SMARCA4: variants seen among roughly 807,000 people sequenced by gnomAD.
SMARCA4 encodes SWI/SNF-related matrix-associated actin-dependent regulator of chromatin subfamily A member 4.
Under a neutral mutation model 193.9 loss-of-function variants are expected in SMARCA4, and 31 were observed. The ratio of observed to expected loss-of-function variants is 0.16; its 90% CI spans 0.12 to 0.22. The LOEUF (loss-of-function observed/expected upper bound fraction) is 0.22, where lower values mean the gene tolerates loss of function less well. SMARCA4 is among the 10% of genes least tolerant of loss of function. SMARCA4 has a pLI of 1.00. For synonymous variants in SMARCA4, 942 were observed against 933.1 expected, an observed-to-expected ratio of 1.01 and a Z score of -0.17; for missense variants, 1,148 against 2,296.0, an observed-to-expected ratio of 0.50 and a Z score of 10.22.
chr19:10,996,424 G>A (rs2145976649), intron 10 of SMARCA4, 44 bp downstream of exon 10: 1 of 1,613,578 alleles, frequency 6.2e-7, no homozygotes, highest in South Asian at 1.1e-5. Context: ...TGGGATGGGA[G>A]CAGCCGTCTT....
At position 11,026,353 on chromosome 19, in the gene SMARCA4, A is replaced by G. The variant is rs2146517150; in HGVS notation, c.3215+7A>G. The G allele has an allele frequency of 6.2e-7, 1 of 1,613,190 alleles. No homozygotes were observed. The highest frequency in any genetic ancestry group is 2.2e-5 in the East Asian group (1 of 44,866). ...CTGGCGGCATTGTCCAAGGGTGAGA[A>G]GCTTCCCAACTGGATGGGGTGGGCA... is the stretch of plus-strand genomic sequence containing the variant. On this transcript the variant is annotated splice_region_variant and intron_variant, in intron 23 of 34. Transcript: ENST00000344626.
chr19:11,004,842 T>C (rs1024383126), intron 13 of SMARCA4, among the ~76,000 whole-genome samples: 7 of 144,606 alleles, frequency 4.8e-5, no homozygotes, highest in Non-Finnish European at 1.1e-4. Context: ...ATTTTTATAG[T>C]GCCTTTTTTT....
rs1555762001 is a variant in SMARCA4, at chr19:10,994,866, C to T, written c.1458C>T (p.Phe486=). ...GCATTCTCCAGCATGCCAAGGATTT[C>T]AAGGAATATCACAGATCCGTCACAG... ...LNSILQHAKD[F]KEYHRSVTGK... is the part of the protein sequence containing the mutation. The change falls in exon 9 of 35, where the codon TTC becomes TTT. Residue 486 remains phenylalanine, a synonymous_variant. Transcript: ENST00000344626. The T allele has an allele frequency of 1.2e-6, 2 of 1,614,122 alleles. No individual in the cohort carries two copies. Among genetic ancestry groups the T allele is most frequent in the Non-Finnish European group, 1.7e-6 (2 of 1,180,018 alleles).
At chr19:11,061,204 AATATATATATATATAT>A (rs55894159) in intron 34 of SMARCA4, among the ~76,000 whole-genome samples, 5 of 45,226 alleles carry the variant, frequency 1.1e-4, no homozygotes, top group South Asian at 6.5e-4. Flanking sequence ...AAAAAAAAAA[AATATATATATATATAT>A]ATATATATAT....
chr19:11,056,406 G>T (rs1175122974), intron 30 of SMARCA4: 2 of 152,280 alleles, frequency 1.3e-5, no homozygotes, highest in Admixed American at 6.5e-5. Context: ...TGCTGGACCG[G>T]CTGGTCCCAC....
rs1343950513 is a variant in SMARCA4, at chr19:10,961,055, G to C, written c.-151G>C. The C allele has an allele frequency of 6.7e-6, 1 of 149,478 alleles. No homozygotes were observed. The highest frequency in any genetic ancestry group is 1.5e-5 in the Non-Finnish European group (1 of 66,806). 9.3% of individuals were successfully genotyped at this position (149,478 alleles called of 1,614,324 possible). A position where few individuals can be genotyped will look rare whatever the true frequency, so the allele number is the denominator to read the frequency against. ...GGGCGCGCGCGCGAGGCTTCCCCTC[G>C]TTTGGCGGCGGCGGCGGCTTCTTTG... On this transcript the variant is annotated 5_prime_UTR_variant, in exon 1 of 35. Coordinates refer to ENST00000344626, the MANE Select transcript of SMARCA4 (RefSeq NM_003072.5).
intron 15 of SMARCA4, 138 bp from the exon 16 acceptor site, chr19:11,012,811 C>A: frequency 1.3e-6 from 1 of 758,264 alleles, no homozygotes; most frequent in East Asian, 2.6e-5. Flanking sequence ...AGGAAAAATC[C>A]GTGGTAAAGG....
chr19:10,963,622 C>T (rs550125368), intron 1 of SMARCA4, among the ~76,000 whole-genome samples: 3 of 152,190 alleles, frequency 2.0e-5, no homozygotes, highest in Admixed American at 6.6e-5. Context: ...TAACCTCAAG[C>T]GAGGCGCTTA....
rs928152768 is a variant in SMARCA4, at chr19:11,017,501, G to C, written c.2439-1456G>C. ...CCGCGCGCTAGGAAATGTTTACGGC[G>C]TATGGGCATCCGGCTGTGCCGGCCC... On this transcript the variant is annotated intron_variant, in intron 16 of 34. Transcript: ENST00000344626. Among the ~76,000 whole-genome samples, 3 of 152,386 alleles carry C rather than the reference G, an allele frequency of 2.0e-5. No individual in the cohort carries two copies. In the East Asian group the frequency reaches 5.8e-4, roughly 29 times the overall value.
intron 30 of SMARCA4, among the ~76,000 whole-genome samples, chr19:11,051,657 A>C (rs1345315098): frequency 6.6e-6 from 1 of 151,824 alleles, no homozygotes; most frequent in Non-Finnish European, 1.5e-5. Flanking sequence ...CGCCCAGCTA[A>C]TTTTTGTATT....
Position 11,035,083 on chromosome 19 carries a change from G to A in SMARCA4, c.4121G>A (p.Arg1374His), listed in dbSNP as rs1060502070. The change falls in exon 29 of 35, where the codon CGC becomes CAC. Residue 1374 changes from arginine to histidine, a missense_variant. This residue lies in a region of SMARCA4 where 84 missense variants were observed against 202.2 expected (regional missense o/e 0.42). Coordinates refer to ENST00000344626, the MANE Select transcript of SMARCA4 (RefSeq NM_003072.5). ...EKMFGRGSRH[R>H]KEVDYSDSLT... Reference sequence around the variant, plus strand: ...ATGTTCGGCCGTGGCTCCCGCCACCGCAAGGAGGTGGACTACAGCGACTCA... The same window carrying A: ...ATGTTCGGCCGTGGCTCCCGCCACCACAAGGAGGTGGACTACAGCGACTCA... The A allele has an allele frequency of 6.2e-7, 1 of 1,613,006 alleles. No individual in the cohort carries two copies. Among genetic ancestry groups the A allele is most frequent in the Non-Finnish European group, 8.5e-7 (1 of 1,179,876 alleles).
Position 11,034,970 on chromosome 19 carries a change from C to G in SMARCA4, c.4008C>G (p.Arg1336=), listed in dbSNP as rs1467214059. ...CCCGCAACCCCAAGCGGAAGCCGCG[C>G]CTCATGGAGGAGGACGAGCTCCCCT... ...EEARNPKRKP[R]LMEEDELPSW... Residue 1336 remains arginine, a synonymous_variant, in exon 29 of 35, where the codon CGC becomes CGG. Coordinates refer to ENST00000344626, the MANE Select transcript of SMARCA4 (RefSeq NM_003072.5). This position sits in a 1 kb window ranked among gnomAD's most constrained non-coding sequence, Gnocchi z 7.0. 15 of 1,603,582 alleles carry G rather than the reference C, an allele frequency of 9.4e-6. No homozygotes were observed. The highest frequency in any genetic ancestry group is 1.3e-5 in the Non-Finnish European group (15 of 1,176,034).
intron 29 of SMARCA4, 81 bp downstream of exon 29, chr19:11,035,213 T>C: frequency 1.5e-6 from 2 of 1,346,892 alleles, no homozygotes; most frequent in Non-Finnish European, 2.1e-6. Context: ...CCGCCAGGAC[T>C]CAGGCCTGGG....
intron 16 of SMARCA4, 83 bp downstream of exon 16, chr19:11,013,195 C>T: frequency 6.8e-7 from 1 of 1,471,916 alleles, no homozygotes; most frequent in Non-Finnish European, 9.4e-7. Flanking sequence ...AGTAGAATAC[C>T]ACAAACGAGG....
rs112254289 is a variant in SMARCA4, at chr19:10,971,475, T to C, written c.-32+10301T>C. ...TTAGATTTATAGCACTTCCACCCTC[T>C]ATGTGACATTGTGTCTTTTTTTTTT... is the stretch of plus-strand genomic sequence containing the variant. On this transcript the variant is annotated intron_variant, in intron 1 of 34. Coordinates refer to ENST00000344626, the MANE Select transcript of SMARCA4 (RefSeq NM_003072.5). Among the ~76,000 whole-genome samples, 204 of 151,314 alleles carry C rather than the reference T, an allele frequency of 1.3e-3. 1 individual carries two copies. The highest frequency in any genetic ancestry group is 4.7e-3 in the African/African-American group (193 of 41,388).
intron 13 of SMARCA4, among the ~76,000 whole-genome samples, chr19:11,003,599 T>G (rs2087871258): frequency 6.6e-6 from 1 of 152,202 alleles, no homozygotes; most frequent in Non-Finnish European, 1.5e-5. Flanking sequence ...ATTTCCATTT[T>G]AAATTAAATC....
chr19:11,002,214 G>A (rs749478821), intron 11 of SMARCA4, among the ~76,000 whole-genome samples: 2 of 152,106 alleles, frequency 1.3e-5, no homozygotes, highest in South Asian at 2.1e-4. Flanking sequence ...TTCAGTTTTC[G>A]TTAAAAAAAT....
At chr19:11,015,709 TAAAG>T (rs915135003) in intron 16 of SMARCA4, among the ~76,000 whole-genome samples, 1 of 152,082 alleles carries the variant, frequency 6.6e-6, no homozygotes, top group African/African-American at 2.4e-5. Flanking sequence ...GACTAGGTGA[TAAAG>T]AAAAGAGGTT....
chr19:11,033,403 C>T lies in SMARCA4; in HGVS notation c.3660C>T (p.Tyr1220=), dbSNP rs1555784543. 1.9e-6 allele frequency: 3 copies of T among 1,613,522 alleles called. No homozygotes were observed. Among genetic ancestry groups the T allele is most frequent in the South Asian group, 1.1e-5 (1 of 91,084 alleles). ...AGAAGATCCTAGCTGCAGCCAAGTACAAGCTCAACGTGGACCAGAAGGTGA... is the reference window on the plus strand; with the variant it reads ...AGAAGATCCTAGCTGCAGCCAAGTATAAGCTCAACGTGGACCAGAAGGTGA... ...VEEKILAAAK[Y]KLNVDQKVIQ... The change falls in exon 26 of 35, where the codon TAC becomes TAT. Residue 1220 remains tyrosine, a synonymous_variant. Transcript: ENST00000344626. This position sits in a 1 kb window ranked among gnomAD's most constrained non-coding sequence, Gnocchi z 9.8.
Sources: gnomAD v4.1 joint callset for allele counts (sites outside exome capture counted in the v4.1 genomes callset) on GRCh38, gnomAD v4.1.1 for gene constraint, gnomAD v4.1.1 regional missense constraint, Gnocchi (gnomAD v3.1) non-coding constraint, MANE v1.5 for transcripts, NCBI Gene and HGNC (gene_info 2026-07-23, HGNC 2026-07-21) for gene names.